KIAA1549L: variants seen among roughly 807,000 people sequenced by gnomAD.
KIAA1549L encodes the protein UPF0606 protein KIAA1549L.
In KIAA1549L, 88 loss-of-function variants were observed where a neutral mutation model predicts 160.7. That is an observed-to-expected ratio of 0.55 (90% CI 0.46 to 0.65). The LOEUF is 0.65. Ranked by LOEUF, KIAA1549L falls within the 30% of genes least tolerant of loss-of-function variation. The pLI is 0.00. For missense variants in KIAA1549L, 2,258 were observed against 2,437.5 expected, an observed-to-expected ratio of 0.93 and a Z score of 1.55; for synonymous variants, 950 against 976.7, an observed-to-expected ratio of 0.97 and a Z score of 0.51.
chr11:33,554,169 G>A (rs1053857257), intron 6 of KIAA1549L, among the ~76,000 whole-genome samples: 4 of 152,210 alleles, frequency 2.6e-5, no homozygotes, highest in Admixed American at 2.6e-4. Context: ...TCTTTCACCA[G>A]GGCCTGTTTT....
intron 16 of KIAA1549L, among the ~76,000 whole-genome samples, chr11:33,623,971 G>A (rs574600289): frequency 3.9e-5 from 6 of 152,040 alleles, no homozygotes; most frequent in South Asian, 4.2e-4. Flanking sequence ...ATTTTTTCCC[G>A]GACTCTGGGA....
intron 1 of KIAA1549L, among the ~76,000 whole-genome samples, chr11:33,437,431 G>T (rs190829104): frequency 6.6e-6 from 1 of 152,352 alleles, no homozygotes; most frequent in East Asian, 1.9e-4. Context: ...GAAGAGCCCT[G>T]GACCGGGAGG....
chr11:33,456,368 G>A (rs1306852146), intron 1 of KIAA1549L, among the ~76,000 whole-genome samples: 1 of 151,942 alleles, frequency 6.6e-6, no homozygotes, highest in Non-Finnish European at 1.5e-5. Context: ...TGAACAAGCT[G>A]GACTTGGTAG....
intron 1 of KIAA1549L, among the ~76,000 whole-genome samples, chr11:33,439,716 A>G (rs189673062): frequency 4.7e-4 from 72 of 151,680 alleles, no homozygotes; most frequent in African/African-American, 1.5e-3. Context: ...GTATTTATCA[A>G]TTCTATGCAT....
At chr11:33,610,494 C>G (rs1850621428) in intron 15 of KIAA1549L, among the ~76,000 whole-genome samples, 1 of 152,200 alleles carries the variant, frequency 6.6e-6, no homozygotes, top group African/African-American at 2.4e-5. Context: ...ATTCAAGATG[C>G]TGAATGCTGT....
chr11:33,650,961 C>T (rs1447342376), intron 17 of KIAA1549L, among the ~76,000 whole-genome samples: 1 of 152,146 alleles, frequency 6.6e-6, no homozygotes, highest in African/African-American at 2.4e-5. Flanking sequence ...AGACTTATGT[C>T]CTCTCCTCCA....
intron 12 of KIAA1549L, among the ~76,000 whole-genome samples, chr11:33,593,498 A>C (rs1850117472): frequency 6.6e-6 from 1 of 152,238 alleles, no homozygotes; most frequent in East Asian, 1.9e-4. Flanking sequence ...TGTGGCAAAC[A>C]GACTGTAGGG....
chr11:33,582,876 T>C (rs942781226), intron 10 of KIAA1549L, among the ~76,000 whole-genome samples: 3 of 152,204 alleles, frequency 2.0e-5, no homozygotes, highest in African/African-American at 7.2e-5. Context: ...TACTCGTTGC[T>C]CACTCTCAGG....
chr11:33,650,935 T>A lies in KIAA1549L; in HGVS notation c.5760+4899T>A, dbSNP rs149377494. ...GACACAGGTTCCTTGTCTTTCAGAT[T>A]CCCCAAATTTTGATGAGACTTATGT... On this transcript the variant is annotated intron_variant, in intron 17 of 20. Transcript: ENST00000658780. Among the ~76,000 whole-genome samples, 307 of 152,218 alleles carry A rather than the reference T, an allele frequency of 2.0e-3. 3 individuals are homozygous for A. The highest frequency in any genetic ancestry group is 7.0e-3 in the African/African-American group (292 of 41,506).
At chr11:33,595,571 TG>T (rs1308713084) in intron 12 of KIAA1549L, among the ~76,000 whole-genome samples, 1 of 152,194 alleles carries the variant, frequency 6.6e-6, no homozygotes, top group Non-Finnish European at 1.5e-5. Context: ...TACTAAGGGC[TG>T]GTTAGATCAT....
rs1180897201 is a variant in KIAA1549L at position 33,657,320 on chromosome 11, T to G, written c.5858+1211T>G. 3.3e-5 allele frequency among the ~76,000 whole-genome samples: 5 copies of G among 152,220 alleles called. 1 individual carries two copies. In the East Asian group the frequency reaches 7.7e-4, roughly 23 times the overall value. On this transcript the variant is annotated intron_variant, in intron 18 of 20. Coordinates refer to ENST00000658780, the MANE Select transcript of KIAA1549L (RefSeq NM_012194.3). ...AGGTTTGCTGAAGGCCAGCATCAAT[T>G]TCTTATTTCTTCTTTCAACCACCTG...
rs545171320 is a variant in KIAA1549L at position 33,543,955 on chromosome 11, C to G, written c.2392C>G (p.His798Asp). 1 of 1,613,996 alleles carries G rather than the reference C, an allele frequency of 6.2e-7. No homozygotes were observed. Among genetic ancestry groups the G allele is most frequent in the South Asian group, 1.1e-5 (1 of 91,088 alleles). The change falls in exon 2 of 21, where the codon CAT becomes GAT. Residue 798 changes from histidine (H) to aspartate (D), a missense_variant. His to Asp is a moderately conservative substitution (Grantham distance 81). This residue lies in a region of KIAA1549L where 287 missense variants were observed against 292.3 expected (regional missense o/e 0.98). Coordinates refer to ENST00000658780, the MANE Select transcript of KIAA1549L (RefSeq NM_012194.3). ...QQSDMTMVGS[H>D]IDLWPTSNNN... is the part of the protein sequence containing the mutation. ...GTCAGACATGACCATGGTTGGAAGCCATATAGACCTCTGGCCCACAAGCAA... is the reference window on the plus strand; with the variant it reads ...GTCAGACATGACCATGGTTGGAAGCGATATAGACCTCTGGCCCACAAGCAA...
At chr11:33,587,091 G>A (rs1241325715) in intron 11 of KIAA1549L, among the ~76,000 whole-genome samples, 2 of 152,178 alleles carry the variant, frequency 1.3e-5, no homozygotes, top group African/African-American at 4.8e-5. Context: ...CGTATAGAGT[G>A]TTGTGAGGAT....
intron 1 of KIAA1549L, among the ~76,000 whole-genome samples, chr11:33,411,452 A>G (rs539420442): frequency 6.6e-6 from 1 of 152,260 alleles, no homozygotes; most frequent in African/African-American, 2.4e-5. Flanking sequence ...TCCAGATTGC[A>G]TACCTCTCGG....
intron 1 of KIAA1549L, among the ~76,000 whole-genome samples, chr11:33,424,330 CCTT>C (rs1851075703): frequency 6.6e-6 from 1 of 152,146 alleles, no homozygotes; most frequent in African/African-American, 2.4e-5. Flanking sequence ...ATCTGAGAGT[CCTT>C]CTTCACCACA....
At chr11:33,438,322 C>A (rs1262677951) in intron 1 of KIAA1549L, among the ~76,000 whole-genome samples, 1 of 152,164 alleles carries the variant, frequency 6.6e-6, no homozygotes, top group Non-Finnish European at 1.5e-5. Flanking sequence ...ACTTGATGTC[C>A]CACTCTTGGC....
chr11:33,642,806 T>C (rs61888350), intron 16 of KIAA1549L, among the ~76,000 whole-genome samples: 5 of 152,338 alleles, frequency 3.3e-5, no homozygotes, highest in Non-Finnish European at 7.3e-5. Context: ...TTGAGCATAC[T>C]GACATACTGA....
chr11:33,655,323 A>G (rs1852028229), intron 17 of KIAA1549L, among the ~76,000 whole-genome samples: 1 of 152,150 alleles, frequency 6.6e-6, no homozygotes, highest in South Asian at 2.1e-4. Flanking sequence ...TGTTGTCCCC[A>G]TTTCAGAAGA....
chr11:33,551,688 G>C (rs769474406), intron 5 of KIAA1549L, among the ~76,000 whole-genome samples: 1 of 152,106 alleles, frequency 6.6e-6, no homozygotes, highest in East Asian at 1.9e-4. Flanking sequence ...TGGTGATTTC[G>C]GGTCTGCAAA....
Sources: allele counts gnomAD v4.1 joint callset (sites outside exome capture counted in the v4.1 genomes callset), GRCh38; gene constraint gnomAD v4.1.1; regional missense constraint gnomAD v4.1.1; transcripts MANE v1.5; gene names NCBI Gene and HGNC (gene_info 2026-07-23, HGNC 2026-07-21).